CYTH3: variants seen among roughly 807,000 people sequenced by gnomAD.
The protein encoded by CYTH3 is cytohesin 3.
CYTH3 carries 23 observed loss-of-function variants against 55.1 expected under a neutral mutation model. The observed-to-expected ratio is 0.42, with a 90% CI of 0.30 to 0.59. The LOEUF (loss-of-function observed/expected upper bound fraction) is 0.59, where lower values mean the gene tolerates loss of function less well. Ranked by LOEUF, CYTH3 falls within the 20% of genes least tolerant of loss-of-function variation. CYTH3 has a pLI of 0.20. For synonymous variants in CYTH3, 249 were observed against 194.9 expected, an observed-to-expected ratio of 1.28 and a Z score of -2.31; for missense variants, 413 against 524.8, an observed-to-expected ratio of 0.79 and a Z score of 2.08.
chr7:6,259,800 TATATATATATATAATATATATATATATA>T lies in CYTH3; in HGVS notation c.34+12646_34+12673del, dbSNP rs1562417858. 6.5e-3 allele frequency among the ~76,000 whole-genome samples: 166 copies of T among 25,482 alleles called. 1 individual carries two copies. The highest frequency in any genetic ancestry group is 9.6e-3 in the Admixed American group (15 of 1,562). 16.7% of individuals were successfully genotyped at this position (25,482 alleles called of 152,430 possible). A position where few individuals can be genotyped will look rare whatever the true frequency, so the allele number is the denominator to read the frequency against. ...TATATATATAATATATATATATATATATATATATATATAATATATATATATATATATATTTTTTTTTTTTTTTAAGACG... is the reference window on the plus strand; with the variant it reads ...TATATATATAATATATATATATATATTATATTTTTTTTTTTTTTTAAGACG... On this transcript the variant is annotated intron_variant, in intron 1 of 12. Coordinates refer to ENST00000350796, the MANE Select transcript of CYTH3 (RefSeq NM_004227.4).
At chr7:6,246,859 G>A (rs957200809) in intron 1 of CYTH3, among the ~76,000 whole-genome samples, 17 of 152,190 alleles carry the variant, frequency 1.1e-4, no homozygotes, top group African/African-American at 3.1e-4. Context: ...TTAAATTTAT[G>A]TTTACATGAT....
At chr7:6,175,051 A>G (rs1783308477) in intron 5 of CYTH3, among the ~76,000 whole-genome samples, 1 of 152,256 alleles carries the variant, frequency 6.6e-6, no homozygotes, top group Non-Finnish European at 1.5e-5. Flanking sequence ...AATCAGTATG[A>G]TAACTGGTCC....
At chr7:6,270,807 T>C (rs775549864) in intron 1 of CYTH3, among the ~76,000 whole-genome samples, 2 of 152,214 alleles carry the variant, frequency 1.3e-5, no homozygotes, top group African/African-American at 2.4e-5. Flanking sequence ...TGATACTTCA[T>C]ATCATCCTTT....
intron 1 of CYTH3, among the ~76,000 whole-genome samples, chr7:6,254,025 A>T (rs1271382307): frequency 6.6e-6 from 1 of 150,746 alleles, no homozygotes; most frequent in African/African-American, 2.4e-5. Flanking sequence ...AATAAAAAAT[A>T]AAGAAAGGAG....
rs563712327 is a variant in CYTH3, at chr7:6,164,112, G to T, written c.*832C>A. On this transcript the variant is annotated 3_prime_UTR_variant, in exon 13 of 13. Coordinates refer to ENST00000350796, the MANE Select transcript of CYTH3 (RefSeq NM_004227.4). ...GTGGGGCCAAAAAGCCTGGTTGAAG[G>T]GAGGCCTCATGGGAGTCACCCTGGA... 6.6e-6 allele frequency: 1 copy of T among 152,420 alleles called. No homozygotes were observed. Among genetic ancestry groups the T allele is most frequent in the East Asian group, 1.9e-4 (1 of 5,182 alleles). 9.4% of individuals were successfully genotyped at this position (152,420 alleles called of 1,614,324 possible).
At chr7:6,204,613 C>T (rs968939092) in intron 1 of CYTH3, among the ~76,000 whole-genome samples, 3 of 152,306 alleles carry the variant, frequency 2.0e-5, no homozygotes, top group South Asian at 2.1e-4. Context: ...GACCCCATCA[C>T]GGCTGAGGAT....
At chr7:6,194,393 C>T (rs1007403473) in intron 1 of CYTH3, among the ~76,000 whole-genome samples, 5 of 152,176 alleles carry the variant, frequency 3.3e-5, no homozygotes, top group African/African-American at 1.2e-4. Flanking sequence ...TTCCAGGTTG[C>T]AGTGACCAGC....
intron 1 of CYTH3, among the ~76,000 whole-genome samples, chr7:6,205,377 A>T (rs1486328964): frequency 1.3e-5 from 2 of 152,150 alleles, no homozygotes; most frequent in Non-Finnish European, 2.9e-5. Context: ...GTTTGAGATC[A>T]GGCTGGCCAA....
chr7:6,181,630 G>C (rs1390443965), intron 4 of CYTH3, among the ~76,000 whole-genome samples: 1 of 152,086 alleles, frequency 6.6e-6, no homozygotes, highest in African/African-American at 2.4e-5. Context: ...CTTGGCATTT[G>C]GTGGGGCCTT....
At chr7:6,182,053 TTTG>T (rs1302672650) in intron 4 of CYTH3, among the ~76,000 whole-genome samples, 5 of 152,312 alleles carry the variant, frequency 3.3e-5, no homozygotes, top group Admixed American at 1.3e-4. Context: ...TTTATTTTGT[TTTG>T]TTTTTTTTGA....
chr7:6,201,653 TAAC>T (rs1366412258), intron 1 of CYTH3, among the ~76,000 whole-genome samples: 1 of 152,132 alleles, frequency 6.6e-6, no homozygotes, highest in Non-Finnish European at 1.5e-5. Flanking sequence ...CTGTGTAAGA[TAAC>T]AACATCTCAT....
At chr7:6,210,604 T>C (rs1039226770) in intron 1 of CYTH3, among the ~76,000 whole-genome samples, 1 of 152,222 alleles carries the variant, frequency 6.6e-6, no homozygotes, top group Non-Finnish European at 1.5e-5. Context: ...AGGTGGAACT[T>C]TGGCTAAAAA....
intron 4 of CYTH3, among the ~76,000 whole-genome samples, chr7:6,182,863 G>C (rs578100584): frequency 1.3e-5 from 2 of 152,146 alleles, no homozygotes; most frequent in Non-Finnish European, 1.5e-5. Context: ...TGTTTGTTGG[G>C]TTTCATGTCT....
intron 2 of CYTH3, 126 bp downstream of exon 2, chr7:6,190,317 CTTTTTT>C: frequency 1.6e-6 from 1 of 641,350 alleles, no homozygotes; most frequent in Non-Finnish European, 2.3e-6. Context: ...CACTAAACAT[CTTTTTT>C]TTTTGTTATT....
intron 1 of CYTH3, among the ~76,000 whole-genome samples, chr7:6,200,520 T>C (rs1325265904): frequency 1.3e-5 from 2 of 152,228 alleles, no homozygotes; most frequent in Admixed American, 6.5e-5. Flanking sequence ...AAATTGATTC[T>C]CTTACCCTTA....
At chr7:6,256,744 T>G (rs1214673139) in intron 1 of CYTH3, among the ~76,000 whole-genome samples, 1 of 152,230 alleles carries the variant, frequency 6.6e-6, no homozygotes, top group South Asian at 2.1e-4. Context: ...ATGTTCTGCA[T>G]GTCCAGCCAA....
chr7:6,173,064 C>T (rs963527663), intron 6 of CYTH3: 3 of 1,069,728 alleles, frequency 2.8e-6, no homozygotes, highest in Non-Finnish European at 3.4e-6. Flanking sequence ...CCCCCGGATG[C>T]TGCTGAGTGC....
intron 1 of CYTH3, among the ~76,000 whole-genome samples, chr7:6,259,155 G>C (rs1238366965): frequency 6.6e-6 from 1 of 152,184 alleles, no homozygotes; most frequent in Admixed American, 6.5e-5. Context: ...CAGTAAGCCT[G>C]TGTCTGCACA....
chr7:6,192,572 G>T (rs187062815), intron 1 of CYTH3, among the ~76,000 whole-genome samples: 1 of 130,614 alleles, frequency 7.7e-6, no homozygotes, highest in African/African-American at 3.0e-5. Flanking sequence ...TCGCTCTGTC[G>T]CCAGGCTGGA....
Sources: gnomAD v4.1 joint callset for allele counts (sites outside exome capture counted in the v4.1 genomes callset) on GRCh38, gnomAD v4.1.1 for gene constraint, MANE v1.5 for transcripts, NCBI Gene and HGNC (gene_info 2026-07-23, HGNC 2026-07-21) for gene names.